Variants in SLX4IP observed in about 807,000 individuals in gnomAD.
SLX4IP encodes the protein protein SLX4IP.
In SLX4IP, 34 loss-of-function variants were observed where a neutral mutation model predicts 32.9. That is an observed-to-expected ratio of 1.03 (90% CI 0.79 to 1.38). The LOEUF (loss-of-function observed/expected upper bound fraction) is 1.38. Among genes scored for constraint, SLX4IP ranks in the 40% most tolerant of loss-of-function variants. The probability of loss-of-function intolerance (pLI) is 0.00; values close to 1 mark genes in which losing one functional copy is unlikely to be tolerated. For synonymous variants in SLX4IP, 172 were observed against 171.7 expected (o/e 1.00, Z -0.01); for missense variants, 444 against 479.0 (o/e 0.93, Z 0.68).
intron 2 of SLX4IP, among the ~76,000 whole-genome samples, chr20:10,510,034 G>A (rs1181666133): frequency 6.6e-6 from 1 of 152,146 alleles, no homozygotes; most frequent in African/African-American, 2.4e-5. Context: ...TTAACATTCT[G>A]TGTACAGAAT....
intron 2 of SLX4IP, among the ~76,000 whole-genome samples, chr20:10,490,936 A>AG (rs1237805515): frequency 3.3e-5 from 5 of 152,082 alleles, no homozygotes; most frequent in African/African-American, 4.8e-5. Flanking sequence ...ACACCCTCAC[A>AG]GGGGGGTATC....
chr20:10,500,130 CTTTTTTTTTTTTTTT>C (rs34751503), intron 2 of SLX4IP, among the ~76,000 whole-genome samples: 3 of 90,074 alleles, frequency 3.3e-5, no homozygotes, highest in Non-Finnish European at 6.1e-5. Flanking sequence ...TGTCAAAATT[CTTTTTTTTTTTTTTT>C]TTTTTTTGAG....
intron 2 of SLX4IP, among the ~76,000 whole-genome samples, chr20:10,489,141 G>A (rs537125470): frequency 1.3e-5 from 2 of 152,302 alleles, no homozygotes; most frequent in East Asian, 3.9e-4. Flanking sequence ...TAGTGCAGCA[G>A]CAGCCTGGAA....
At chr20:10,545,090 T>TGGCTGCTGGTACTCTGGGAACC (rs894862356) in intron 2 of SLX4IP, among the ~76,000 whole-genome samples, 5 of 152,112 alleles carry the variant, frequency 3.3e-5, no homozygotes, top group East Asian at 1.9e-4. Flanking sequence ...GGAGATGCTG[T>TGGCTGCTGGTACTCTGGGAACC]GGCTGCTGGT....
chr20:10,486,843 G>T (rs2065578537), intron 2 of SLX4IP, among the ~76,000 whole-genome samples: 1 of 151,832 alleles, frequency 6.6e-6, no homozygotes, highest in African/African-American at 2.4e-5. Flanking sequence ...TTTAAAAATT[G>T]TTCTTTTGAA....
chr20:10,548,397 C>T (rs956212933), intron 2 of SLX4IP, among the ~76,000 whole-genome samples: 3 of 152,160 alleles, frequency 2.0e-5, no homozygotes, highest in African/African-American at 7.2e-5. Context: ...CGCCACCACG[C>T]CCGGCTAATT....
At chr20:10,612,807 G>T (rs8115695) in intron 6 of SLX4IP, 14,564 of 152,820 alleles carry the variant, frequency 0.095, 931 homozygotes, top group South Asian at 0.26. Flanking sequence ...CCCAAAGTGC[G>T]GGGATTACAG....
intron 3 of SLX4IP, among the ~76,000 whole-genome samples, chr20:10,558,427 G>A (rs1292640715): frequency 6.6e-6 from 1 of 151,324 alleles, no homozygotes; most frequent in Non-Finnish European, 1.5e-5. Context: ...AGAAAAGCTA[G>A]TTGAAGAAAG....
At chr20:10,465,697 G>A (rs2065375125) in intron 2 of SLX4IP, among the ~76,000 whole-genome samples, 1 of 152,176 alleles carries the variant, frequency 6.6e-6, no homozygotes, top group African/African-American at 2.4e-5. Context: ...GTAGAGATGA[G>A]GTTTTGCCAT....
At chr20:10,549,495 G>A (rs1052344999) in intron 2 of SLX4IP, among the ~76,000 whole-genome samples, 3 of 152,202 alleles carry the variant, frequency 2.0e-5, no homozygotes, top group African/African-American at 7.2e-5. Flanking sequence ...GGCTGCCATT[G>A]CTCACCTAGA....
At chr20:10,492,123 T>C (rs1039772074) in intron 2 of SLX4IP, among the ~76,000 whole-genome samples, 7 of 152,230 alleles carry the variant, frequency 4.6e-5, no homozygotes, top group African/African-American at 1.7e-4. Flanking sequence ...TACCCGTTTC[T>C]GCTGAATGTT....
chr20:10,601,707 C>G, intron 5 of SLX4IP, 24 bp from the exon 6 acceptor site: 1 of 1,605,946 alleles, frequency 6.2e-7, no homozygotes, highest in Non-Finnish European at 8.5e-7. Context: ...CACCTTTAAA[C>G]TTGTTTTTCT....
intron 2 of SLX4IP, 33 bp downstream of exon 2, chr20:10,458,264 G>T: frequency 6.5e-7 from 1 of 1,536,496 alleles, no homozygotes; most frequent in South Asian, 1.2e-5. Context: ...TTAAAAAGAG[G>T]CTAATCACTT....
At chr20:10,463,029 G>C (rs2065351083) in intron 2 of SLX4IP, among the ~76,000 whole-genome samples, 1 of 152,130 alleles carries the variant, frequency 6.6e-6, no homozygotes, top group Non-Finnish European at 1.5e-5. Context: ...AGTTCAGCCT[G>C]GGCAACATAG....
At chr20:10,531,261 A>C (rs978012091) in intron 2 of SLX4IP, among the ~76,000 whole-genome samples, 1 of 152,214 alleles carries the variant, frequency 6.6e-6, no homozygotes, top group African/African-American at 2.4e-5. Flanking sequence ...TTGGGAGATT[A>C]AAAATGTAGA....
chr20:10,518,128 G>A (rs550096872), intron 2 of SLX4IP, among the ~76,000 whole-genome samples: 2 of 152,252 alleles, frequency 1.3e-5, no homozygotes, highest in African/African-American at 4.8e-5. Context: ...GCTTACCTAC[G>A]TAACAAACCT....
chr20:10,528,367 G>T (rs1386483144), intron 2 of SLX4IP, among the ~76,000 whole-genome samples: 1 of 151,948 alleles, frequency 6.6e-6, no homozygotes, highest in African/African-American at 2.4e-5. Flanking sequence ...AATTTTCCTG[G>T]TAAGGCTGAA....
intron 4 of SLX4IP, among the ~76,000 whole-genome samples, chr20:10,566,398 G>C (rs1203098576): frequency 6.9e-6 from 1 of 144,618 alleles, no homozygotes; most frequent in Admixed American, 7.4e-5. Context: ...GCCATAAAGA[G>C]CCTGAAACAG....
chr20:10,577,475 G>A (rs1474910686), intron 4 of SLX4IP, among the ~76,000 whole-genome samples: 3 of 152,156 alleles, frequency 2.0e-5, no homozygotes, highest in Non-Finnish European at 4.4e-5. Flanking sequence ...CCAACACTTT[G>A]GAGACCAAGG....
Sources: gnomAD v4.1 joint callset for allele counts (sites outside exome capture counted in the v4.1 genomes callset) on GRCh38, gnomAD v4.1.1 for gene constraint, MANE v1.5 for transcripts, NCBI Gene and HGNC (gene_info 2026-07-23, HGNC 2026-07-21) for gene names.